Variants in PCDH9 observed in about 807,000 individuals in gnomAD.
PCDH9 encodes protocadherin-9.
In PCDH9, 24 loss-of-function variants were observed where a neutral mutation model predicts 70.6. The observed-to-expected ratio is 0.34, with a 90% CI of 0.25 to 0.48. PCDH9 has a LOEUF of 0.48. PCDH9 is among the 20% of genes least tolerant of loss of function. PCDH9 has a pLI of 0.99. For synonymous variants in PCDH9, 562 were observed against 558.5 expected, an observed-to-expected ratio of 1.01 and a Z score of -0.09; for missense variants, 1,281 against 1,503.6, an observed-to-expected ratio of 0.85 and a Z score of 2.45.
Position 66,406,874 on chromosome 13 carries a change from TATC to T in PCDH9, c.3341-101849_3341-101847del, listed in dbSNP as rs562695779. ...ATTCCTTCATCATGTTTTCATCTGA[TATC>T]ATCAATTTTTTTGTTTCAAATACAT... On this transcript the variant is annotated intron_variant, in intron 4 of 4. Coordinates refer to ENST00000377865, the MANE Select transcript of PCDH9 (RefSeq NM_203487.3). 2.6e-5 allele frequency among the ~76,000 whole-genome samples: 4 copies of T among 152,314 alleles called. No individual in the cohort carries two copies. In the South Asian group the frequency reaches 6.2e-4, roughly 24 times the overall value.
chr13:67,032,118 C>T (rs2084919128), intron 2 of PCDH9, among the ~76,000 whole-genome samples: 1 of 152,128 alleles, frequency 6.6e-6, no homozygotes, highest in Non-Finnish European at 1.5e-5. Flanking sequence ...AACACAAATT[C>T]TAAATGGCTT....
intron 2 of PCDH9, among the ~76,000 whole-genome samples, chr13:66,947,822 C>A (rs2083113167): frequency 1.3e-5 from 2 of 152,150 alleles, no homozygotes. Context: ...TATGGGCAGG[C>A]TAATAAGTTT....
intron 2 of PCDH9, among the ~76,000 whole-genome samples, chr13:67,162,094 T>G (rs1463779065): frequency 1.3e-5 from 2 of 152,180 alleles, no homozygotes; most frequent in African/African-American, 4.8e-5. Context: ...AGCCAATGAT[T>G]TTTAGTGTTG....
At chr13:66,913,689 G>A (rs781749975) in intron 2 of PCDH9, among the ~76,000 whole-genome samples, 16 of 151,978 alleles carry the variant, frequency 1.1e-4, no homozygotes, top group South Asian at 8.3e-4. Context: ...TTGCTCATTC[G>A]CTTAATATCT....
intron 3 of PCDH9, among the ~76,000 whole-genome samples, chr13:66,900,261 T>G (rs2082255811): frequency 1.3e-5 from 2 of 151,890 alleles, no homozygotes; most frequent in Admixed American, 6.6e-5. Context: ...AACCTCTCAG[T>G]GTCTCCTTTT....
chr13:67,033,037 A>C (rs1276149748), intron 2 of PCDH9, among the ~76,000 whole-genome samples: 3 of 151,704 alleles, frequency 2.0e-5, no homozygotes, highest in Non-Finnish European at 2.9e-5. Context: ...GGTTTGGGGG[A>C]AATACAAGCT....
At chr13:67,004,552 C>A (rs1426132169) in intron 2 of PCDH9, among the ~76,000 whole-genome samples, 420 of 123,766 alleles carry the variant, frequency 3.4e-3, no homozygotes, top group Middle Eastern at 0.013. Context: ...GACTCCGTCT[C>A]AAAAAAAAAA....
chr13:66,740,939 T>C (rs2079253857), intron 3 of PCDH9, among the ~76,000 whole-genome samples: 1 of 103,016 alleles, frequency 9.7e-6, no homozygotes, highest in Non-Finnish European at 2.0e-5. Context: ...CCATTCCTTC[T>C]GAAACTATTC....
At chr13:66,376,746 G>A (rs1299191347) in intron 4 of PCDH9, among the ~76,000 whole-genome samples, 1 of 151,996 alleles carries the variant, frequency 6.6e-6, no homozygotes, top group Non-Finnish European at 1.5e-5. Context: ...TTATGAAAAT[G>A]AATGAATTAT....
intron 4 of PCDH9, among the ~76,000 whole-genome samples, chr13:66,391,061 A>C (rs1957008458): frequency 6.6e-6 from 1 of 152,214 alleles, no homozygotes. Flanking sequence ...TAAGAGCATT[A>C]GTGGAAAACA....
chr13:66,531,657 G>T (rs1017433657), intron 4 of PCDH9, among the ~76,000 whole-genome samples: 4 of 151,968 alleles, frequency 2.6e-5, no homozygotes, highest in African/African-American at 9.7e-5. Context: ...TGTTTGGGGT[G>T]GTCCATTCTC....
chr13:66,946,046 A>C (rs913696195), intron 2 of PCDH9, among the ~76,000 whole-genome samples: 1 of 152,182 alleles, frequency 6.6e-6, no homozygotes, highest in Non-Finnish European at 1.5e-5. Context: ...TGAAAATAGC[A>C]TCAAATTGTG....
intron 3 of PCDH9, among the ~76,000 whole-genome samples, chr13:66,784,028 A>G (rs536206557): frequency 6.6e-6 from 1 of 152,302 alleles, no homozygotes; most frequent in South Asian, 2.1e-4. Flanking sequence ...AACAAGTTAG[A>G]TTATACATCA....
At chr13:66,737,646 G>A (rs574818547) in intron 3 of PCDH9, among the ~76,000 whole-genome samples, 2 of 152,334 alleles carry the variant, frequency 1.3e-5, no homozygotes, top group Admixed American at 1.3e-4. Flanking sequence ...CGCGCACCGT[G>A]CACGAGCCGA....
chr13:66,962,724 G>A (rs574221892), intron 2 of PCDH9, among the ~76,000 whole-genome samples: 13 of 152,124 alleles, frequency 8.5e-5, no homozygotes, highest in African/African-American at 2.9e-4. Flanking sequence ...ATCACACTTG[G>A]CTGTATAAGG....
chr13:67,017,990 A>C (rs1340445190), intron 2 of PCDH9, among the ~76,000 whole-genome samples: 1 of 152,234 alleles, frequency 6.6e-6, no homozygotes, highest in Non-Finnish European at 1.5e-5. Flanking sequence ...ATATTTGGAC[A>C]CAGGCACATG....
At chr13:66,908,467 G>C (rs1042156528) in intron 2 of PCDH9, among the ~76,000 whole-genome samples, 2 of 152,120 alleles carry the variant, frequency 1.3e-5, no homozygotes, top group Middle Eastern at 3.2e-3. Context: ...TATTGAACAG[G>C]TTCTGTTTCC....
At chr13:66,453,978 A>C (rs1958266075) in intron 4 of PCDH9, among the ~76,000 whole-genome samples, 1 of 152,108 alleles carries the variant, frequency 6.6e-6, no homozygotes, top group South Asian at 2.1e-4. Context: ...TATTTTAAAT[A>C]CATAATCAGT....
rs539148577 is a variant in PCDH9, at chr13:66,628,147, G to T, written c.3340+3063C>A. On this transcript the variant is annotated intron_variant, in intron 4 of 4. Coordinates refer to ENST00000377865, the MANE Select transcript of PCDH9 (RefSeq NM_203487.3). ...CAAAGATAAATACAAAACAAAACTT[G>T]TCTGTCCATTTGGTCTAGATATTTG... is the stretch of plus-strand genomic sequence containing the variant. 2.0e-5 allele frequency among the ~76,000 whole-genome samples: 3 copies of T among 152,240 alleles called. No individual in the cohort carries two copies. The South Asian group carries it at 6.2e-4, about 32-fold the overall frequency.
Sources: allele counts gnomAD v4.1 joint callset (sites outside exome capture counted in the v4.1 genomes callset), GRCh38; gene constraint gnomAD v4.1.1; transcripts MANE v1.5; gene names NCBI Gene and HGNC (gene_info 2026-07-23, HGNC 2026-07-21).